The following RBFOX1 variants were observed in gnomAD, a reference collection of about 807,000 sequenced individuals.
RBFOX1 encodes the protein RNA binding fox-1 homolog 1, also known as RNA binding protein fox-1 homolog 1.
Under a neutral mutation model 57.7 loss-of-function variants are expected in RBFOX1, and 8 were observed. The observed-to-expected ratio is 0.14, with a 90% CI of 0.08 to 0.25. The LOEUF (loss-of-function observed/expected upper bound fraction) is 0.25. Among genes scored for constraint, RBFOX1 ranks in the 10% least tolerant of loss-of-function variants. The pLI, the probability that RBFOX1 is intolerant of heterozygous loss-of-function variation, is 1.00. For missense variants in RBFOX1, 611 were observed against 548.5 expected, an observed-to-expected ratio of 1.11 and a Z score of -1.14; for synonymous variants, 326 against 222.4, an observed-to-expected ratio of 1.47 and a Z score of -4.15.
intron 1 of RBFOX1, among the ~76,000 whole-genome samples, chr16:6,256,186 CG>C (rs1567787953): frequency 5.5e-5 from 2 of 36,598 alleles, no homozygotes; most frequent in South Asian, 9.7e-4. Flanking sequence ...TATATATATA[CG>C]TATATATATG....
At chr16:7,535,349 A>G (rs559059541) in intron 5 of RBFOX1, among the ~76,000 whole-genome samples, 5 of 152,200 alleles carry the variant, frequency 3.3e-5, no homozygotes, top group South Asian at 2.1e-4. Flanking sequence ...GATGTGAGCA[A>G]TTGGTCCACA....
At chr16:7,477,034 T>A (rs1862368134) in intron 4 of RBFOX1, among the ~76,000 whole-genome samples, 1 of 152,204 alleles carries the variant, frequency 6.6e-6, no homozygotes, top group Non-Finnish European at 1.5e-5. Flanking sequence ...GCTGTCAGGC[T>A]GGAACCGTGG....
intron 3 of RBFOX1, among the ~76,000 whole-genome samples, chr16:6,881,950 A>G (rs2063024037): frequency 6.6e-6 from 1 of 152,206 alleles, no homozygotes; most frequent in African/African-American, 2.4e-5. Context: ...CATAGTGTAA[A>G]AAGAAGGGAA....
At chr16:6,385,086 G>C (rs2092152113) in intron 2 of RBFOX1, among the ~76,000 whole-genome samples, 1 of 152,042 alleles carries the variant, frequency 6.6e-6, no homozygotes, top group Admixed American at 6.6e-5. Context: ...CAAACTCTCA[G>C]ACTCTCATTC....
chr16:6,060,785 C>G (rs1007755426), intron 1 of RBFOX1, among the ~76,000 whole-genome samples: 1 of 152,180 alleles, frequency 6.6e-6, no homozygotes, highest in African/African-American at 2.4e-5. Context: ...CACAGTTACC[C>G]CAGAAGAACT....
intron 1 of RBFOX1, among the ~76,000 whole-genome samples, chr16:5,463,715 G>C (rs2068865067): frequency 6.6e-6 from 1 of 151,194 alleles, no homozygotes; most frequent in Non-Finnish European, 1.5e-5. Flanking sequence ...CAGGAGAATC[G>C]CTTGAACCCA....
rs938131209 is a variant in RBFOX1, at chr16:6,021,036, G to T, written c.-127+1044G>T. Among the ~76,000 whole-genome samples the T allele has an allele frequency of 2.6e-5, 4 of 152,196 alleles. No individual in the cohort carries two copies. The South Asian group carries it at 6.2e-4, about 24-fold the overall frequency. Reference sequence around the variant, plus strand: ...CTGGCACTGGAACATCTGGGGTGCGGCTACTGAAGAGCTTGGAAATCCTGG... The same window carrying T: ...CTGGCACTGGAACATCTGGGGTGCGTCTACTGAAGAGCTTGGAAATCCTGG... On this transcript the variant is annotated intron_variant, in intron 1 of 15. Coordinates refer to ENST00000550418, the MANE Select transcript of RBFOX1 (RefSeq NM_018723.4).
intron 2 of RBFOX1, among the ~76,000 whole-genome samples, chr16:6,548,068 T>C (rs2153855815): frequency 6.6e-6 from 1 of 152,352 alleles, no homozygotes; most frequent in South Asian, 2.1e-4. Context: ...TTGCAGGACC[T>C]ACTATTAACT....
intron 2 of RBFOX1, among the ~76,000 whole-genome samples, chr16:6,396,936 T>C (rs767243140): frequency 4.6e-5 from 7 of 152,176 alleles, no homozygotes; most frequent in Admixed American, 4.6e-4. Flanking sequence ...AGTTTTACTA[T>C]ATGGGCTAAA....
Position 7,710,772 on chromosome 16 carries a change from T to C in RBFOX1, c.*27T>C. On this transcript the variant is annotated 3_prime_UTR_variant, in exon 16 of 16. Transcript: ENST00000550418. The stretch of plus-strand genomic sequence containing the variant: ...TGACAAAACCATAAAAACCTTCCAA[T>C]GTGGGGAGAAAGGAAGCTTTCCGAG... 4 of 1,520,276 alleles carry C rather than the reference T, an allele frequency of 2.6e-6. No individual in the cohort carries two copies. Among genetic ancestry groups the C allele is most frequent in the South Asian group, 1.3e-5 (1 of 75,656 alleles). 94.2% of individuals were successfully genotyped at this position (1,520,276 alleles called of 1,614,324 possible). A position where few individuals can be genotyped will look rare whatever the true frequency, so the allele number is the denominator to read the frequency against.
chr16:5,816,103 A>G (rs1443494779), intron 3 of RBFOX1, among the ~76,000 whole-genome samples: 1 of 152,170 alleles, frequency 6.6e-6, no homozygotes, highest in Non-Finnish European at 1.5e-5. Context: ...CTCTGGGATG[A>G]CGGGTAGCAT....
chr16:7,222,906 A>T (rs1211324057), intron 4 of RBFOX1, among the ~76,000 whole-genome samples: 1 of 152,014 alleles, frequency 6.6e-6, no homozygotes, highest in South Asian at 2.1e-4. Flanking sequence ...CACTCACTAC[A>T]TTTTGCTCAA....
intron 3 of RBFOX1, among the ~76,000 whole-genome samples, chr16:6,764,221 T>G (rs2077014983): frequency 6.6e-6 from 1 of 152,226 alleles, no homozygotes; most frequent in Non-Finnish European, 1.5e-5. Context: ...CTCAGTTTTA[T>G]GACAGCAGCT....
chr16:5,456,612 C>G (rs1003009821), intron 1 of RBFOX1, among the ~76,000 whole-genome samples: 3 of 152,222 alleles, frequency 2.0e-5, no homozygotes, highest in African/African-American at 4.8e-5. Flanking sequence ...CTGCCACACA[C>G]AGTCACCAAG....
At chr16:7,543,369 A>G (rs1005962094) in intron 5 of RBFOX1, among the ~76,000 whole-genome samples, 1 of 152,094 alleles carries the variant, frequency 6.6e-6, no homozygotes, top group Non-Finnish European at 1.5e-5. Context: ...AAATTACAAG[A>G]CTTTTTTACA....
intron 3 of RBFOX1, among the ~76,000 whole-genome samples, chr16:6,862,525 A>G (rs2059195546): frequency 6.6e-6 from 1 of 152,240 alleles, no homozygotes; most frequent in South Asian, 2.1e-4. Flanking sequence ...AACCAGCAGA[A>G]TGGAGGTGAT....
chr16:6,707,416 T>C (rs192379283), intron 3 of RBFOX1, among the ~76,000 whole-genome samples: 1 of 152,226 alleles, frequency 6.6e-6, no homozygotes, highest in East Asian at 1.9e-4. Context: ...GCTCCTACAA[T>C]TGTCTTCCTT....
chr16:7,510,203 C>T (rs1600435182), intron 4 of RBFOX1: 5 of 985,860 alleles, frequency 5.1e-6, no homozygotes, highest in African/African-American at 1.7e-5. Context: ...TTGCACAGCG[C>T]GCACACCCTC....
chr16:6,048,668 C>T (rs1020820965), intron 1 of RBFOX1, among the ~76,000 whole-genome samples: 1 of 152,178 alleles, frequency 6.6e-6, no homozygotes, highest in Admixed American at 6.5e-5. Context: ...CTGTGACCTT[C>T]AGTGGCCCTT....
Sources: allele counts gnomAD v4.1 joint callset (sites outside exome capture counted in the v4.1 genomes callset), GRCh38; gene constraint gnomAD v4.1.1; transcripts MANE v1.5; gene names NCBI Gene and HGNC (gene_info 2026-07-23, HGNC 2026-07-21).